The following AMHR2 variants were observed in gnomAD, a reference collection of about 807,000 sequenced individuals.
AMHR2 encodes anti-Mullerian hormone receptor type 2, also known as anti-Muellerian hormone type-2 receptor.
AMHR2 carries 36 observed loss-of-function variants against 61.4 expected under a neutral mutation model. That is an observed-to-expected ratio of 0.59 (90% CI 0.45 to 0.77). The LOEUF is 0.77. Ranked by LOEUF, AMHR2 falls within the 30% of genes least tolerant of loss-of-function variation. AMHR2 has a pLI of 0.00. For synonymous variants in AMHR2, 258 were observed against 279.4 expected (o/e 0.92, Z 0.76); for missense variants, 638 against 714.6 (o/e 0.89, Z 1.22).
chr12:53,428,961 G>A lies in AMHR2; in HGVS notation c.918G>A (p.Leu306=), dbSNP rs1160955760. 1.3e-5 allele frequency: 20 copies of A among 1,551,506 alleles called. No individual in the cohort carries two copies. Among genetic ancestry groups the A allele is most frequent in the Non-Finnish European group, 1.7e-5 (20 of 1,147,048 alleles). The change falls in exon 7 of 11, where the codon CTG becomes CTA. Residue 306 remains leucine (L), a synonymous_variant. Transcript: ENST00000257863. Reference sequence around the variant, plus strand: ...GGGGAAGTTCCCTGCGGATGGCACTGTCCCTGGCCCAGGGCCTGGCATTTC... The same window carrying A: ...GGGGAAGTTCCCTGCGGATGGCACTATCCCTGGCCCAGGGCCTGGCATTTC... ...SDWGSSLRMA[L]SLAQGLAFLH...
intron 10 of AMHR2, 104 bp downstream of exon 10, chr12:53,430,386 A>G (rs1940011366): frequency 1.9e-6 from 3 of 1,566,544 alleles, no homozygotes; most frequent in Non-Finnish European, 2.6e-6. Context: ...ATCTCCACTT[A>G]TCTCCCATCA....
At chr12:53,426,338 A>G (rs1364069937) in intron 6 of AMHR2, among the ~76,000 whole-genome samples, 1 of 151,698 alleles carries the variant, frequency 6.6e-6, no homozygotes, top group Non-Finnish European at 1.5e-5. Context: ...AAAAAATAGT[A>G]ACAGGCTGGG....
rs1939518665 is a variant in AMHR2 at position 53,425,723 on chromosome 12, C to T, written c.656C>T (p.Ala219Val). 4 of 1,614,166 alleles carry T rather than the reference C, an allele frequency of 2.5e-6. No individual in the cohort carries two copies. Among genetic ancestry groups the T allele is most frequent in the Non-Finnish European group, 3.4e-6 (4 of 1,180,030 alleles). The change falls in exon 6 of 11, where the codon GCC becomes GTC. Residue 219 changes from alanine (A) to valine (V), a missense_variant. Coordinates refer to ENST00000257863, the MANE Select transcript of AMHR2 (RefSeq NM_020547.3). ...GAAGGAGGTCATGCAGTGGTTTGGG[C>T]CGGGCAGCTGCAAGGAAAACTGGTT... The part of the protein sequence containing the change: ...IREGGHAVVW[A>V]GQLQGKLVAI...
At chr12:53,430,411 C>T in intron 10 of AMHR2, 129 bp downstream of exon 10, 1 of 1,478,774 alleles carries the variant, frequency 6.8e-7, no homozygotes, top group Non-Finnish European at 9.3e-7. Context: ...TTGGTTCATG[C>T]TCAGCTGGAA....
chr12:53,425,381 CTCCCTTTCCACGAAG>C, intron 4 of AMHR2, 59 bp from the exon 5 acceptor site: 1 of 1,604,570 alleles, frequency 6.2e-7, no homozygotes, highest in Non-Finnish European at 8.5e-7. Flanking sequence ...TCTCACAAAG[CTCCCTTTCCACGAAG>C]TCCCTTTTCC....
rs767061692 is a variant in AMHR2, at chr12:53,424,450, G to C, written c.212G>C (p.Arg71Pro). Residue 71 changes from arginine to proline, a missense_variant, in exon 2 of 11, where the codon CGG becomes CCG. Coordinates refer to ENST00000257863, the MANE Select transcript of AMHR2 (RefSeq NM_020547.3). Reference sequence around the variant, plus strand: ...GGGATCTGGAACCTGACCCAAGACCGGGCACAGGTGGAAATGCAAGGTGAA... The same window carrying C: ...GGGATCTGGAACCTGACCCAAGACCCGGCACAGGTGGAAATGCAAGGTGAA... ...CFGIWNLTQDRAQVEMQGCRD... is the reference protein window; with the variant it reads ...CFGIWNLTQDPAQVEMQGCRD... 4 of 1,613,098 alleles carry C rather than the reference G, an allele frequency of 2.5e-6. No homozygotes were observed. Among genetic ancestry groups the C allele is most frequent in the East Asian group, 4.5e-5 (2 of 44,890 alleles).
chr12:53,424,456 A>G lies in AMHR2; in HGVS notation c.218A>G (p.Gln73Arg), dbSNP rs1329450340. 1.9e-6 allele frequency: 3 copies of G among 1,613,146 alleles called. No individual in the cohort carries two copies. Among genetic ancestry groups the G allele is most frequent in the Non-Finnish European group, 2.5e-6 (3 of 1,179,622 alleles). Residue 73 changes from glutamine to arginine, a missense_variant, in exon 2 of 11, where the codon CAG becomes CGG. Physicochemically the swap from Gln to Arg is conservative, Grantham distance 43. Coordinates refer to ENST00000257863, the MANE Select transcript of AMHR2 (RefSeq NM_020547.3). ...GIWNLTQDRAQVEMQGCRDSD... is the reference protein window; with the variant it reads ...GIWNLTQDRARVEMQGCRDSD... ...TGGAACCTGACCCAAGACCGGGCAC[A>G]GGTGGAAATGCAAGGTGAATGGCAA...
chr12:53,424,313 G>A lies in AMHR2; in HGVS notation c.75G>A (p.Val25=). 1 of 1,612,718 alleles carries A rather than the reference G, an allele frequency of 6.2e-7. No individual in the cohort carries two copies. The highest frequency in any genetic ancestry group is 8.5e-7 in the Non-Finnish European group (1 of 1,180,020). Residue 25 remains valine (V), a synonymous_variant, in exon 2 of 11, where the codon GTG becomes GTA. Transcript: ENST00000257863. ...CACCCCCAAACAGGCGAACCTGTGT[G>A]TTCTTTGAGGCCCCTGGAGTGCGGG... ...VEAPPNRRTC[V]FFEAPGVRGS...
Position 53,429,019 on chromosome 12 carries a change from G to A in AMHR2, c.967+9G>A, listed in dbSNP as rs1347730769. On this transcript the variant is annotated intron_variant, in intron 7 of 10. Coordinates refer to ENST00000257863, the MANE Select transcript of AMHR2 (RefSeq NM_020547.3). ...GGAGCGCTGGCAGAATGGTGGGTGA[G>A]CTGGGCATAGGAAGTCAAGGGAGCC... The A allele has an allele frequency of 1.9e-6, 3 of 1,547,470 alleles. No homozygotes were observed. The highest frequency in any genetic ancestry group is 2.6e-6 in the Non-Finnish European group (3 of 1,143,936).
At chr12:53,425,615 G>T in intron 5 of AMHR2, 42 bp downstream of exon 5, 1 of 1,612,214 alleles carries the variant, frequency 6.2e-7, no homozygotes, top group Non-Finnish European at 8.5e-7. Flanking sequence ...GGGCACTCCT[G>T]GAGGTTGTGC....
In AMHR2 at chr12:53,424,743, C is replaced by T; in HGVS notation, c.267C>T (p.Ser89=). 1.2e-6 allele frequency: 2 copies of T among 1,613,890 alleles called. No individual in the cohort carries two copies. The highest frequency in any genetic ancestry group is 1.7e-6 in the Non-Finnish European group (2 of 1,179,904). The change falls in exon 3 of 11, where the codon TCC becomes TCT. Residue 89 remains serine (S), a synonymous_variant. Transcript: ENST00000257863. ...CRDSDEPGCE[S]LHCDPSPRAH... is the part of the protein sequence containing the mutation. ...ACAGTGATGAGCCAGGCTGTGAGTC[C>T]CTCCACTGTGACCCAAGTCCCCGAG...
At position 53,429,839 on chromosome 12, in the gene AMHR2, C is replaced by T. The variant is rs1262439920; in HGVS notation, c.1149C>T (p.Thr383=). 1 of 1,614,166 alleles carries T rather than the reference C, an allele frequency of 6.2e-7. No homozygotes were observed. The highest frequency in any genetic ancestry group is 8.5e-7 in the Non-Finnish European group (1 of 1,180,022). ...QGPAAIMEAG[T]QRYMAPELLD... ...CGTGCCTTGCTCTCCAGGCTGGCAC[C>T]CAGAGGTACATGGCACCAGAGCTCT... Residue 383 remains threonine, a synonymous_variant, in exon 9 of 11, where the codon ACC becomes ACT. Coordinates refer to ENST00000257863, the MANE Select transcript of AMHR2 (RefSeq NM_020547.3).
At position 53,429,617 on chromosome 12, in the gene AMHR2, A is replaced by C. The variant is rs746476027; in HGVS notation, c.1132A>C (p.Ile378Leu). 22 of 1,614,032 alleles carry C rather than the reference A, an allele frequency of 1.4e-5. No individual in the cohort carries two copies. The highest frequency in any genetic ancestry group is 1.9e-5 in the Non-Finnish European group (22 of 1,179,984). ...TACTCAACCACAAGGCCCAGCTGCCATCATGGAAGTGAGTTCTCTGGATAA... is the reference window on the plus strand; with the variant it reads ...TACTCAACCACAAGGCCCAGCTGCCCTCATGGAAGTGAGTTCTCTGGATAA... ...TPTQPQGPAAIMEAGTQRYMA... is the reference protein window; with the variant it reads ...TPTQPQGPAALMEAGTQRYMA... Residue 378 changes from isoleucine to leucine, a missense_variant, in exon 8 of 11, where the codon ATC (isoleucine) becomes CTC (leucine). Physicochemically the swap from Ile to Leu is conservative, Grantham distance 5. Transcript: ENST00000257863.
rs1412712654 is a variant in AMHR2 at position 53,431,346 on chromosome 12, A to T, written c.1595A>T (p.Asp532Val). 1 of 1,614,152 alleles carries T rather than the reference A, an allele frequency of 6.2e-7. No homozygotes were observed. The highest frequency in any genetic ancestry group is 2.2e-5 in the East Asian group (1 of 44,878). The change falls in exon 11 of 11, where the codon GAC (aspartate) becomes GTC (valine). Residue 532 changes from aspartate to valine, a missense_variant. By Grantham distance (152) the Asp-to-Val change is radical (BLOSUM62 -3). Coordinates refer to ENST00000257863, the MANE Select transcript of AMHR2 (RefSeq NM_020547.3). ...PRGCPPLCPEDCTSIPAPTIL... is the reference protein window; with the variant it reads ...PRGCPPLCPEVCTSIPAPTIL... Reference sequence around the variant, plus strand: ...GGCTGCCCACCTCTCTGCCCAGAAGACTGTACTTCAATTCCTGCCCCTACC... The same window carrying T: ...GGCTGCCCACCTCTCTGCCCAGAAGTCTGTACTTCAATTCCTGCCCCTACC...
rs1190923342 is a variant in AMHR2, at chr12:53,425,393, G to A, written c.503-62G>A. On this transcript the variant is annotated intron_variant, in intron 4 of 10. Coordinates refer to ENST00000257863, the MANE Select transcript of AMHR2 (RefSeq NM_020547.3). ...ACCTCTCACAAAGCTCCCTTTCCAC[G>A]AAGTCCCTTTTCCTGTCCCTATGCA... The A allele has an allele frequency of 5.0e-6, 8 of 1,606,146 alleles. No homozygotes were observed. In the South Asian group the frequency reaches 5.5e-5, roughly 11 times the overall value.
In AMHR2 at chr12:53,429,437, T is replaced by C. The variant is rs980548023; in HGVS notation, c.968-16T>C. 1.7e-5 allele frequency: 28 copies of C among 1,605,952 alleles called. No individual in the cohort carries two copies. The highest frequency in any genetic ancestry group is 2.3e-5 in the Non-Finnish European group (27 of 1,178,102). On this transcript the variant is annotated splice_polypyrimidine_tract_variant and intron_variant, in intron 7 of 10. Coordinates refer to ENST00000257863, the MANE Select transcript of AMHR2 (RefSeq NM_020547.3). ...GAAGAAAATCCATGTTCCTTCAACC[T>C]TGGATTCCCCCACAGGCCAATATAA... is the stretch of plus-strand genomic sequence containing the variant.
chr12:53,428,195 C>T (rs7137471), intron 6 of AMHR2, among the ~76,000 whole-genome samples: 1,761 of 152,340 alleles, frequency 0.012, 32 homozygotes, highest in African/African-American at 0.04. Flanking sequence ...GGGTTTACTG[C>T]ATTCTTTATC....
intron 10 of AMHR2, 191 bp downstream of exon 10, chr12:53,430,473 A>G (rs1299869944): frequency 1.2e-6 from 1 of 830,244 alleles, no homozygotes; most frequent in African/African-American, 1.7e-5. Context: ...CCTAAGTCTC[A>G]CACAGTCGAT....
rs1325481924 is a variant in AMHR2, at chr12:53,431,168, T to TC, written c.1426-3dup. On this transcript the variant is annotated splice_polypyrimidine_tract_variant and intron_variant, in intron 10 of 10. Transcript: ENST00000257863. ...AGGGTCAACCCTTCCTCCCTGTCAT[T>TC]CCCCCCAGGACCCTGATGGGCTGAG... 3.1e-6 allele frequency: 5 copies of TC among 1,613,668 alleles called. No homozygotes were observed. The highest frequency in any genetic ancestry group is 1.3e-5 in the African/African-American group (1 of 74,900).
Sources: allele counts gnomAD v4.1 joint callset (sites outside exome capture counted in the v4.1 genomes callset), GRCh38; gene constraint gnomAD v4.1.1; transcripts MANE v1.5; gene names NCBI Gene and HGNC (gene_info 2026-07-23, HGNC 2026-07-21).